The following ANKHD1 variants were observed in gnomAD, a reference collection of about 807,000 sequenced individuals.
The protein encoded by ANKHD1 is ankyrin repeat and KH domain containing 1, also known as ankyrin repeat and KH domain-containing protein 1.
ANKHD1 carries 31 observed loss-of-function variants against 230.5 expected under a neutral mutation model. The ratio of observed to expected loss-of-function variants is 0.13; its 90% CI spans 0.10 to 0.18. ANKHD1 has a LOEUF of 0.18. Among genes scored for constraint, ANKHD1 ranks in the 10% least tolerant of loss-of-function variants. The pLI is 1.00. For synonymous variants in ANKHD1, 1,074 were observed against 1,117.6 expected (o/e 0.96, Z 0.78); for missense variants, 2,256 against 3,071.3 (o/e 0.73, Z 6.27).
chr5:140,499,137 C>T (rs1035940084), intron 15 of ANKHD1, among the ~76,000 whole-genome samples: 2 of 151,826 alleles, frequency 1.3e-5, no homozygotes, highest in Admixed American at 6.6e-5. Context: ...TAAAAACTTC[C>T]ATTTTTGTGA....
At chr5:140,518,024 A>G (rs1176333228) in intron 24 of ANKHD1, among the ~76,000 whole-genome samples, 1 of 152,232 alleles carries the variant, frequency 6.6e-6, no homozygotes, top group East Asian at 1.9e-4. Flanking sequence ...GAAAGGATCA[A>G]CAAAATTGAT....
chr5:140,420,779 T>C (rs1175303849), intron 1 of ANKHD1, among the ~76,000 whole-genome samples: 1 of 152,204 alleles, frequency 6.6e-6, no homozygotes, highest in Non-Finnish European at 1.5e-5. Context: ...CTTCTGACTT[T>C]GTTATTTTTC....
chr5:140,468,052 C>CTTTTTTTTTTTTT (rs869172143), intron 10 of ANKHD1, among the ~76,000 whole-genome samples: 8 of 52,412 alleles, frequency 1.5e-4, no homozygotes, highest in African/African-American at 2.7e-4. Flanking sequence ...TGTACTAATT[C>CTTTTTTTTTTTTT]TTTTTTTTTT....
chr5:140,494,543 A>C (rs1751941275), intron 14 of ANKHD1, among the ~76,000 whole-genome samples: 1 of 152,228 alleles, frequency 6.6e-6, no homozygotes, highest in African/African-American at 2.4e-5. Context: ...AATTGTGGTC[A>C]TCTTACCTTA....
intron 1 of ANKHD1, among the ~76,000 whole-genome samples, chr5:140,402,787 A>G (rs1441194796): frequency 6.6e-6 from 1 of 152,004 alleles, no homozygotes; most frequent in Non-Finnish European, 1.5e-5. Flanking sequence ...AGGTTTGAGT[A>G]TTAGGGATCT....
chr5:140,459,665 T>C (rs1775561633), intron 9 of ANKHD1, among the ~76,000 whole-genome samples: 1 of 152,126 alleles, frequency 6.6e-6, no homozygotes. Context: ...TGTGAGGTGA[T>C]AAATATGTTA....
chr5:140,462,816 A>T (rs1040738656), intron 9 of ANKHD1, among the ~76,000 whole-genome samples: 1 of 151,128 alleles, frequency 6.6e-6, no homozygotes, highest in Non-Finnish European at 1.5e-5. Flanking sequence ...GTCCCTTAGC[A>T]TCCTTCAAAG....
At chr5:140,519,642 A>T (rs1325402574) in intron 24 of ANKHD1, among the ~76,000 whole-genome samples, 1 of 152,300 alleles carries the variant, frequency 6.6e-6, no homozygotes, top group East Asian at 1.9e-4. Context: ...CAACTATCTG[A>T]TCTTTGACAA....
At chr5:140,464,376 T>C (rs1472515627) in intron 9 of ANKHD1, among the ~76,000 whole-genome samples, 1 of 152,166 alleles carries the variant, frequency 6.6e-6, no homozygotes, top group African/African-American at 2.4e-5. Flanking sequence ...ACCAATATGA[T>C]TTCTGAAAAA....
Position 140,527,936 on chromosome 5 carries a change from C to T in ANKHD1, c.5151C>T (p.Asn1717=). The part of the protein sequence containing the change: ...VSRIMGRGGC[N]ITAIQDVTGA... ...GGATAATGGGAAGAGGAGGATGCAA[C>T]ATCACTGCAATACAGGATGTTACTG... The change falls in exon 28 of 34, where the codon AAC becomes AAT. Residue 1717 remains asparagine, a synonymous_variant. Coordinates refer to ENST00000360839, the MANE Select transcript of ANKHD1 (RefSeq NM_017747.3). This position sits in a 1 kb window ranked among gnomAD's most constrained non-coding sequence, Gnocchi z 4.5. The T allele has an allele frequency of 1.2e-6, 2 of 1,613,936 alleles. No individual in the cohort carries two copies. Among genetic ancestry groups the T allele is most frequent in the Non-Finnish European group, 1.7e-6 (2 of 1,179,932 alleles).
intron 1 of ANKHD1, among the ~76,000 whole-genome samples, chr5:140,425,013 AT>A (rs1772289199): frequency 6.6e-6 from 1 of 152,212 alleles, no homozygotes; most frequent in Non-Finnish European, 1.5e-5. Context: ...GTAGCCTATT[AT>A]GTTTTTAAAG....
intron 10 of ANKHD1, among the ~76,000 whole-genome samples, chr5:140,479,755 T>C (rs1024443343): frequency 2.0e-5 from 3 of 149,568 alleles, no homozygotes; most frequent in African/African-American, 4.9e-5. Flanking sequence ...CTTATATATA[T>C]ACCTATGTAT....
rs1456917316 is a variant in ANKHD1 at position 140,504,891 on chromosome 5, C to G, written c.3075C>G (p.Ser1025=). ...CCACAGAGTGTCTTACACCTGAATC[C>G]TGTTCGCAGACTACAAGCAATGTGG... ...SQTTECLTPE[S]CSQTTSNVAS... Residue 1025 remains serine, a synonymous_variant, in exon 16 of 34, where the codon TCC becomes TCG. Coordinates refer to ENST00000360839, the MANE Select transcript of ANKHD1 (RefSeq NM_017747.3). 6.2e-7 allele frequency: 1 copy of G among 1,614,168 alleles called. No individual in the cohort carries two copies. The highest frequency in any genetic ancestry group is 1.1e-5 in the South Asian group (1 of 91,084).
intron 1 of ANKHD1, among the ~76,000 whole-genome samples, chr5:140,408,858 A>G (rs1448859587): frequency 1.3e-5 from 2 of 152,136 alleles, no homozygotes; most frequent in Admixed American, 1.3e-4. Context: ...AGTCAGGACT[A>G]CAGGGGACTA....
intron 24 of ANKHD1, among the ~76,000 whole-genome samples, chr5:140,520,738 A>G (rs991767386): frequency 5.9e-5 from 8 of 135,312 alleles, no homozygotes; most frequent in East Asian, 2.4e-4. Context: ...ATGAGAACAC[A>G]TGGACACAGG....
At chr5:140,537,021 CAAAA>C (rs753247443) in intron 30 of ANKHD1, 8 of 73,334 alleles carry the variant, frequency 1.1e-4, no homozygotes, top group Non-Finnish European at 1.4e-4. Flanking sequence ...AATTCCGTCT[CAAAA>C]AAAAAAAAAA....
chr5:140,406,961 T>C lies in ANKHD1; in HGVS notation c.306+4688T>C, dbSNP rs554877455. Reference sequence around the variant, plus strand: ...CACTGCATTGAATCCTATTAAGAAATGTATCCATGTTCAGAATAGAAGTTA... The same window carrying C: ...CACTGCATTGAATCCTATTAAGAAACGTATCCATGTTCAGAATAGAAGTTA... On this transcript the variant is annotated intron_variant, in intron 1 of 33. Transcript: ENST00000360839. Among the ~76,000 whole-genome samples the C allele has an allele frequency of 4.5e-4, 69 of 152,286 alleles. 1 individual carries two copies. Among genetic ancestry groups the C allele is most frequent in the Middle Eastern group, 6.8e-3 (2 of 294 alleles).
Position 140,506,915 on chromosome 5 carries a change from G to T in ANKHD1, c.3489G>T (p.Ala1163=). Residue 1163 remains alanine, a synonymous_variant, in exon 19 of 34, where the codon GCG becomes GCT. Coordinates refer to ENST00000360839, the MANE Select transcript of ANKHD1 (RefSeq NM_017747.3). This position sits in a 1 kb window ranked among gnomAD's most constrained non-coding sequence, Gnocchi z 4.7. Reference sequence around the variant, plus strand: ...ATTATACACCACTGAGTCTAGCTGCGTCTGGAGGATATGTTAATATCATTA... The same window carrying T: ...ATTATACACCACTGAGTCTAGCTGCTTCTGGAGGATATGTTAATATCATTA... The part of the protein sequence containing the change: ...VSDYTPLSLA[A]SGGYVNIIKI... 6.2e-7 allele frequency: 1 copy of T among 1,614,128 alleles called. No individual in the cohort carries two copies. The highest frequency in any genetic ancestry group is 1.1e-5 in the South Asian group (1 of 91,084).
chr5:140,441,167 T>C (rs937301602), intron 5 of ANKHD1, 25 bp downstream of exon 5: 1 of 1,504,592 alleles, frequency 6.6e-7, no homozygotes, highest in Non-Finnish European at 8.9e-7. Context: ...ATGTATTAAT[T>C]GGGAGAAAAA....
Sources: allele counts gnomAD v4.1 joint callset (sites outside exome capture counted in the v4.1 genomes callset), GRCh38; gene constraint gnomAD v4.1.1; non-coding constraint Gnocchi (gnomAD v3.1); transcripts MANE v1.5; gene names NCBI Gene and HGNC (gene_info 2026-07-23, HGNC 2026-07-21).